The following VPS13C variants were observed in gnomAD, a reference collection of about 807,000 sequenced individuals.
VPS13C encodes vacuolar protein sorting 13 homolog C, also known as intermembrane lipid transfer protein VPS13C.
A neutral mutation model predicts 456.8 loss-of-function variants in VPS13C; 358 were observed. The ratio of observed to expected loss-of-function variants is 0.78; its 90% CI spans 0.72 to 0.86. The LOEUF is 0.86. Ranked by LOEUF, VPS13C falls within the 40% of genes least tolerant of loss-of-function variation. The pLI is 0.00. For synonymous variants in VPS13C, 1,578 were observed against 1,486.7 expected (o/e 1.06, Z -1.41); for missense variants, 4,818 against 4,385.4 (o/e 1.10, Z -2.79).
chr15:62,040,426 T>C (rs1291501949), intron 3 of VPS13C, among the ~76,000 whole-genome samples: 5 of 152,232 alleles, frequency 3.3e-5, no homozygotes, highest in Middle Eastern at 3.4e-3. Context: ...GATGTGATTA[T>C]TACACACTGC....
intron 82 of VPS13C, 147 bp from the exon 83 acceptor site, chr15:61,856,556 T>C: frequency 1.1e-6 from 1 of 885,946 alleles, no homozygotes; most frequent in Non-Finnish European, 1.6e-6. Context: ...CTTCATTTTT[T>C]TTAAGTCTAG....
chr15:62,025,735 A>G (rs1264356799), intron 6 of VPS13C, among the ~76,000 whole-genome samples: 2 of 152,086 alleles, frequency 1.3e-5, no homozygotes, highest in Non-Finnish European at 2.9e-5. Flanking sequence ...TAAATAATAA[A>G]TTTATGATTC....
intron 9 of VPS13C, among the ~76,000 whole-genome samples, chr15:62,017,510 C>A (rs28798715): frequency 0.14 from 21,073 of 152,078 alleles, 2,244 homozygotes; most frequent in East Asian, 0.3. Context: ...ATATGGCTAG[C>A]CAGTTTTCCC....
At chr15:62,026,696 T>C (rs1004788192) in intron 6 of VPS13C, among the ~76,000 whole-genome samples, 2 of 152,096 alleles carry the variant, frequency 1.3e-5, no homozygotes, top group African/African-American at 4.8e-5. Flanking sequence ...ACAACCATCC[T>C]ACTTCAGTAT....
rs774022364 is a variant in VPS13C at position 61,934,244 on chromosome 15, A to T, written c.5843T>A (p.Ile1948Asn). 12 of 1,596,060 alleles carry T rather than the reference A, an allele frequency of 7.5e-6. No individual in the cohort carries two copies. Among genetic ancestry groups the T allele is most frequent in the Middle Eastern group, 3.3e-4 (2 of 6,016 alleles). The change falls in exon 49 of 85, where the codon ATC becomes AAC. Residue 1948 changes from isoleucine to asparagine, a missense_variant. By Grantham distance (149) the Ile-to-Asn change is moderately radical. Transcript: ENST00000644861. ...CTGGTTGATATCATTGTTATAAAGG[A>T]TAATGGAAAGAGATTCAAAGTGAAA... ...FDFHFESLSI[I>N]LYNNDINQES...
chr15:62,018,650 G>A (rs1019304555), intron 9 of VPS13C, among the ~76,000 whole-genome samples: 4 of 151,732 alleles, frequency 2.6e-5, no homozygotes, highest in African/African-American at 9.7e-5. Context: ...CTTGTCCATG[G>A]TGGATAAGCT....
chr15:61,910,304 C>T lies in VPS13C; in HGVS notation c.8717G>A (p.Cys2906Tyr). The part of the protein sequence containing the change: ...NKWNYIASSE[C>Y]LPFWPESLSG... Reference sequence around the variant, plus strand: ...CAAACTTTCTGGCCAAAATGGAAGGCACTAAAAATATAGAAGTTATTATCA... The same window carrying T: ...CAAACTTTCTGGCCAAAATGGAAGGTACTAAAAATATAGAAGTTATTATCA... Residue 2906 changes from cysteine (C) to tyrosine (Y), a missense_variant and splice_region_variant, in exon 64 of 85, where the codon TGC becomes TAC. Physicochemically the swap from Cys to Tyr is radical, Grantham distance 194. Transcript: ENST00000644861. The T allele has an allele frequency of 2.0e-6, 3 of 1,516,158 alleles. No individual in the cohort carries two copies. Among genetic ancestry groups the T allele is most frequent in the Non-Finnish European group, 2.7e-6 (3 of 1,126,060 alleles). 93.9% of individuals were successfully genotyped at this position (1,516,158 alleles called of 1,614,324 possible).
chr15:61,954,387 C>T (rs908792854), intron 38 of VPS13C, 34 bp downstream of exon 38: 6 of 1,592,470 alleles, frequency 3.8e-6, no homozygotes, highest in Non-Finnish European at 5.1e-6. Flanking sequence ...TACTTATTCA[C>T]CTCACTTTAC....
chr15:61,899,801 C>G (rs1304394705), intron 66 of VPS13C, among the ~76,000 whole-genome samples: 1 of 151,942 alleles, frequency 6.6e-6, no homozygotes, highest in Non-Finnish European at 1.5e-5. Context: ...TGGGCAGAGA[C>G]ACAACCAAAA....
chr15:61,893,874 T>C (rs2042725530), intron 66 of VPS13C, among the ~76,000 whole-genome samples: 1 of 151,940 alleles, frequency 6.6e-6, no homozygotes, highest in Non-Finnish European at 1.5e-5. Flanking sequence ...GTAAGCCTCA[T>C]AGTAACCACA....
chr15:61,869,122 T>C (rs555284469), intron 80 of VPS13C, among the ~76,000 whole-genome samples: 28 of 146,726 alleles, frequency 1.9e-4, no homozygotes, highest in South Asian at 6.5e-4. Flanking sequence ...TTTTCTTTTT[T>C]TTTTTTTTTT....
intron 37 of VPS13C, among the ~76,000 whole-genome samples, chr15:61,954,844 C>T (rs974292642): frequency 3.3e-5 from 5 of 152,086 alleles, no homozygotes; most frequent in African/African-American, 1.2e-4. Context: ...ATACAGAAGT[C>T]AAGAAAGGAT....
At chr15:62,057,861 A>G (rs2048851231) in intron 1 of VPS13C, among the ~76,000 whole-genome samples, 1 of 152,230 alleles carries the variant, frequency 6.6e-6, no homozygotes, top group Non-Finnish European at 1.5e-5. Flanking sequence ...CATTATCAGA[A>G]GAACAGAATA....
intron 66 of VPS13C, among the ~76,000 whole-genome samples, chr15:61,896,511 G>A (rs1263545929): frequency 6.6e-6 from 1 of 152,162 alleles, no homozygotes; most frequent in Non-Finnish European, 1.5e-5. Flanking sequence ...GGAAAATCGG[G>A]TCACTCCCAC....
rs764317823 is a variant in VPS13C at position 61,951,956 on chromosome 15, A to AT, written c.4323dup (p.Ser1442IlefsTer10). 1.9e-6 allele frequency: 3 copies of AT among 1,612,606 alleles called. No homozygotes were observed. Among genetic ancestry groups the AT allele is most frequent in the Non-Finnish European group, 1.7e-6 (2 of 1,179,514 alleles). The stretch of plus-strand genomic sequence containing the variant: ...TGTAAAGGCCTTCCTTTCTTTTCTG[A>AT]TTTTTTCATCAAAGTAACCACAACC... On this transcript the variant is annotated frameshift_variant, in exon 39 of 85. Coordinates refer to ENST00000644861, the MANE Select transcript of VPS13C (RefSeq NM_020821.3). LOFTEE classifies it high-confidence loss of function.
In VPS13C at chr15:61,915,842, T is replaced by C. The variant is rs1257836578; in HGVS notation, c.8236A>G (p.Thr2746Ala). The change falls in exon 61 of 85, where the codon ACA becomes GCA. Residue 2746 changes from threonine to alanine, a missense_variant. Around this residue, in one of 3 missense-constraint regions of VPS13C, gnomAD observed 4,552 missense variants for 4,130.6 expected, o/e 1.10. Transcript: ENST00000644861. ...FFPVCFSSDS[T>A]EVTTVDLSVH... The stretch of plus-strand genomic sequence containing the variant: ...GACAGGTCGACTGTCGTCACTTCTG[T>C]GGAGTCAGAAGAAAAACACACAGGA... 2 of 1,613,866 alleles carry C rather than the reference T, an allele frequency of 1.2e-6. No homozygotes were observed. The highest frequency in any genetic ancestry group is 1.1e-5 in the South Asian group (1 of 91,062).
chr15:61,907,649 A>C (rs890817783), intron 65 of VPS13C, among the ~76,000 whole-genome samples: 9 of 152,368 alleles, frequency 5.9e-5, no homozygotes, highest in South Asian at 2.1e-4. Flanking sequence ...AATGGAATTC[A>C]TTAGGTAAAC....
intron 78 of VPS13C, among the ~76,000 whole-genome samples, chr15:61,873,002 C>T (rs1413610618): frequency 3.9e-5 from 6 of 152,160 alleles, no homozygotes; most frequent in South Asian, 2.1e-4. Flanking sequence ...CTCACTTCCT[C>T]GCCTTCTACA....
chr15:62,051,258 T>C (rs2048608011), intron 1 of VPS13C, among the ~76,000 whole-genome samples: 1 of 152,200 alleles, frequency 6.6e-6, no homozygotes, highest in Non-Finnish European at 1.5e-5. Flanking sequence ...ACTCGATAAA[T>C]ACTGACTTCA....
Sources: allele counts gnomAD v4.1 joint callset (sites outside exome capture counted in the v4.1 genomes callset), GRCh38; gene constraint gnomAD v4.1.1; regional missense constraint gnomAD v4.1.1; transcripts MANE v1.5; gene names NCBI Gene and HGNC (gene_info 2026-07-23, HGNC 2026-07-21).